Variants in BPTF observed in about 807,000 individuals in gnomAD.
The protein encoded by BPTF is bromodomain PHD finger transcription factor.
A neutral mutation model predicts 292.5 loss-of-function variants in BPTF; 18 were observed. The ratio of observed to expected loss-of-function variants is 0.06; its 90% CI spans 0.04 to 0.09. The LOEUF is 0.09. BPTF is among the 10% of genes least tolerant of loss of function. The probability of loss-of-function intolerance (pLI) is 1.00; values close to 1 mark genes in which losing one functional copy is unlikely to be tolerated. For synonymous variants in BPTF, 1,225 were observed against 1,251.9 expected (o/e 0.98, Z 0.45); for missense variants, 2,726 against 3,498.7 (o/e 0.78, Z 5.57).
chr17:67,942,377 A>G (rs1192515001), intron 19 of BPTF, among the ~76,000 whole-genome samples: 1 of 152,208 alleles, frequency 6.6e-6, no homozygotes, highest in African/African-American at 2.4e-5. Flanking sequence ...TAAATGTCCC[A>G]AATTCCAAAA....
chr17:67,952,625 C>A (rs569660833), intron 23 of BPTF, among the ~76,000 whole-genome samples: 1 of 152,258 alleles, frequency 6.6e-6, no homozygotes, highest in East Asian at 1.9e-4. Context: ...ATTATTCCTC[C>A]CCCACCCACA....
At chr17:67,960,663 C>T (rs1157389372) in intron 24 of BPTF, among the ~76,000 whole-genome samples, 1 of 152,196 alleles carries the variant, frequency 6.6e-6, no homozygotes, top group African/African-American at 2.4e-5. Flanking sequence ...AACCACCATA[C>T]TTTTTACAGG....
chr17:67,933,597 G>A (rs1345287165), intron 18 of BPTF, among the ~76,000 whole-genome samples: 1 of 151,994 alleles, frequency 6.6e-6, no homozygotes, highest in Non-Finnish European at 1.5e-5. Flanking sequence ...AAAAAAGATT[G>A]CAGTTAAGGT....
intron 1 of BPTF, among the ~76,000 whole-genome samples, chr17:67,828,981 A>T (rs1028093090): frequency 2.0e-5 from 3 of 152,232 alleles, no homozygotes; most frequent in African/African-American, 7.2e-5. Context: ...GATTGGTTGG[A>T]TAAATTATTG....
intron 7 of BPTF, among the ~76,000 whole-genome samples, chr17:67,899,116 A>G (rs2061649415): frequency 6.6e-6 from 1 of 152,140 alleles, no homozygotes. Context: ...TTACAGACCC[A>G]CAGGGACAAG....
rs1164639234 is a variant in BPTF at position 67,874,915 on chromosome 17, T to C, written c.1759T>C (p.Ser587Pro). ...AGACAAGAATGAGACTGAGAATGAC[T>C]CTAAAGATGCTGAGAAAAACAGAGA... ...EKDKNETEND[S>P]KDAEKNREEF... The change falls in exon 4 of 28, where the codon TCT (serine) becomes CCT (proline). Residue 587 changes from serine (S) to proline (P), a missense_variant. Ser to Pro is a moderately conservative substitution (Grantham distance 74). Coordinates refer to ENST00000306378, the MANE Select transcript of BPTF (RefSeq NM_182641.4). The C allele has an allele frequency of 1.2e-6, 2 of 1,613,614 alleles. No individual in the cohort carries two copies. The highest frequency in any genetic ancestry group is 4.5e-5 in the East Asian group (2 of 44,804).
At chr17:67,855,238 C>T (rs2058620483) in intron 2 of BPTF, among the ~76,000 whole-genome samples, 1 of 152,114 alleles carries the variant, frequency 6.6e-6, no homozygotes, top group African/African-American at 2.4e-5. Flanking sequence ...GAGGCAGGGG[C>T]TGCAGTGAGC....
chr17:67,945,265 C>A, intron 20 of BPTF, 144 bp from the exon 21 acceptor site: 1 of 1,418,606 alleles, frequency 7.0e-7, no homozygotes, highest in Non-Finnish European at 9.3e-7. Flanking sequence ...AACGATCCTC[C>A]CACCTCAACG....
At chr17:67,855,867 G>C (rs948757276) in intron 2 of BPTF, among the ~76,000 whole-genome samples, 1 of 152,208 alleles carries the variant, frequency 6.6e-6, no homozygotes, top group Non-Finnish European at 1.5e-5. Context: ...GTGTGCTGTC[G>C]AGAGGTCTGA....
At chr17:67,951,945 C>T (rs1555678641) in intron 23 of BPTF, among the ~76,000 whole-genome samples, 1 of 149,862 alleles carries the variant, frequency 6.7e-6, no homozygotes, top group African/African-American at 2.5e-5. Context: ...GTTCCAGCTA[C>T]TCAGGAGGAT....
chr17:67,871,971 G>A (rs1421144503), intron 3 of BPTF, among the ~76,000 whole-genome samples: 4 of 152,030 alleles, frequency 2.6e-5, no homozygotes, highest in Non-Finnish European at 4.4e-5. Flanking sequence ...GATTACAGGC[G>A]TGTGCCACCA....
At chr17:67,880,177 C>T (rs984171909) in intron 4 of BPTF, among the ~76,000 whole-genome samples, 2 of 151,964 alleles carry the variant, frequency 1.3e-5, no homozygotes, top group African/African-American at 2.4e-5. Context: ...TTACCTGCCC[C>T]CGTTAATCGT....
chr17:67,874,955 A>G lies in BPTF; in HGVS notation c.1799A>G (p.Gln600Arg), dbSNP rs371725227. ...AAAAACAGAGAAGAATTTGAAGACC[A>G]GTCCCTTGAAAAAGACAGTGACGAC... ...AEKNREEFED[Q>R]SLEKDSDDKT... is the part of the protein sequence containing the mutation. The change falls in exon 4 of 28, where the codon CAG becomes CGG. Residue 600 changes from glutamine to arginine, a missense_variant. This residue lies in a region of BPTF where 187 missense variants were observed against 201.5 expected (regional missense o/e 0.93). Transcript: ENST00000306378. 4.3e-6 allele frequency: 7 copies of G among 1,613,898 alleles called. No individual in the cohort carries two copies. The highest frequency in any genetic ancestry group is 5.1e-6 in the Non-Finnish European group (6 of 1,179,884).
chr17:67,980,135 A>AG (rs1240048732), intron 27 of BPTF, among the ~76,000 whole-genome samples: 1 of 152,116 alleles, frequency 6.6e-6, no homozygotes, highest in Non-Finnish European at 1.5e-5. Context: ...ACTTGAGGTC[A>AG]GGGGTTCAAG....
At chr17:67,876,000 A>G (rs941147375) in intron 4 of BPTF, among the ~76,000 whole-genome samples, 8 of 152,136 alleles carry the variant, frequency 5.3e-5, no homozygotes, top group Non-Finnish European at 1.2e-4. Context: ...ATTTATTTTT[A>G]TATTTTATCA....
In BPTF at chr17:67,874,856, T is replaced by A; in HGVS notation, c.1700T>A (p.Ile567Asn). 1.2e-6 allele frequency: 2 copies of A among 1,613,334 alleles called. No individual in the cohort carries two copies. The highest frequency in any genetic ancestry group is 2.2e-5 in the East Asian group (1 of 44,804). Reference sequence around the variant, plus strand: ...TCCATAAGAGCCAAAAAGGGAGACATTGATAATGTTAAAAGCCCAGAAGAA... The same window carrying A: ...TCCATAAGAGCCAAAAAGGGAGACAATGATAATGTTAAAAGCCCAGAAGAA... ...LESIRAKKGDIDNVKSPEETE... is the reference protein window; with the variant it reads ...LESIRAKKGDNDNVKSPEETE... Residue 567 changes from isoleucine to asparagine, a missense_variant, in exon 4 of 28, where the codon ATT (isoleucine) becomes AAT (asparagine). Physicochemically the swap from Ile to Asn is moderately radical, Grantham distance 149. This residue lies in a region of BPTF where 187 missense variants were observed against 201.5 expected (regional missense o/e 0.93). Coordinates refer to ENST00000306378, the MANE Select transcript of BPTF (RefSeq NM_182641.4).
Position 67,979,376 on chromosome 17 carries a change from G to T in BPTF, c.8727-2876G>T, listed in dbSNP as rs563233006. On this transcript the variant is annotated intron_variant, in intron 27 of 27. Coordinates refer to ENST00000306378, the MANE Select transcript of BPTF (RefSeq NM_182641.4). Reference sequence around the variant, plus strand: ...AGCCTGGCCAACATGATGAAACCCTGTCTCTACTAAAAGTACAAAAATTAG... The same window carrying T: ...AGCCTGGCCAACATGATGAAACCCTTTCTCTACTAAAAGTACAAAAATTAG... 2.6e-5 allele frequency among the ~76,000 whole-genome samples: 4 copies of T among 151,966 alleles called. No homozygotes were observed. In the East Asian group the frequency reaches 5.8e-4, roughly 22 times the overall value.
chr17:67,875,500 G>A, intron 4 of BPTF: 1 of 1,363,996 alleles, frequency 7.3e-7, no homozygotes, highest in Non-Finnish European at 9.7e-7. Context: ...GTGGCCATTT[G>A]CCCTGAAGCA....
In BPTF at chr17:67,850,366, G is replaced by A. The variant is rs562604441; in HGVS notation, c.614-3574G>A. On this transcript the variant is annotated intron_variant, in intron 1 of 27. Transcript: ENST00000306378. ...CTTAACTTTTCTTTTGCCTCATGGT[G>A]TTTTTGTTTGTTTGTTTGTTTTCTG... 4.7e-4 allele frequency among the ~76,000 whole-genome samples: 72 copies of A among 152,080 alleles called. No homozygotes were observed. In the Middle Eastern group the frequency reaches 0.01, roughly 22 times the overall value.
Sources: allele counts gnomAD v4.1 joint callset (sites outside exome capture counted in the v4.1 genomes callset), GRCh38; gene constraint gnomAD v4.1.1; regional missense constraint gnomAD v4.1.1; transcripts MANE v1.5; gene names NCBI Gene and HGNC (gene_info 2026-07-23, HGNC 2026-07-21).